The following NALCN variants were observed in gnomAD, a reference collection of about 807,000 sequenced individuals.
The protein encoded by NALCN is sodium leak channel, non-selective.
In NALCN, 111 loss-of-function variants were observed where a neutral mutation model predicts 225.3. The observed-to-expected ratio is 0.49, with a 90% CI of 0.42 to 0.58. NALCN has a LOEUF of 0.58. NALCN is among the 20% of genes least tolerant of loss of function. The pLI is 0.00. For synonymous variants in NALCN, 764 were observed against 769.0 expected (o/e 0.99, Z 0.11); for missense variants, 1,378 against 2,202.4 (o/e 0.63, Z 7.49).
In NALCN at chr13:101,236,098, C is replaced by T. The variant is rs185013517; in HGVS notation, c.1434+1657G>A. Among the ~76,000 whole-genome samples, 17 of 152,030 alleles carry T rather than the reference C, an allele frequency of 1.1e-4. No homozygotes were observed. In the East Asian group the frequency reaches 2.3e-3, roughly 21 times the overall value. The stretch of plus-strand genomic sequence containing the variant: ...GTTTCCATGATAAATTATATAAATG[C>T]GAAGGACATGAACAGACACTTCTCA... On this transcript the variant is annotated intron_variant, in intron 12 of 43. Coordinates refer to ENST00000251127, the MANE Select transcript of NALCN (RefSeq NM_052867.4).
At chr13:101,347,836 G>A (rs1594719675) in intron 6 of NALCN, among the ~76,000 whole-genome samples, 2 of 152,150 alleles carry the variant, frequency 1.3e-5, no homozygotes, top group Admixed American at 6.6e-5. Context: ...AGCACCTAAT[G>A]TGTTGCAAGT....
chr13:101,128,968 A>G (rs1163568587), intron 17 of NALCN, among the ~76,000 whole-genome samples: 2 of 152,162 alleles, frequency 1.3e-5, no homozygotes, highest in African/African-American at 2.4e-5. Context: ...AGGTTTCATC[A>G]TACAGACTCT....
chr13:101,206,727 A>AATATAT (rs3062610), intron 13 of NALCN, among the ~76,000 whole-genome samples: 176 of 147,128 alleles, frequency 1.2e-3, no homozygotes, highest in African/African-American at 4.2e-3. Flanking sequence ...AGGTTTTTTA[A>AATATAT]ATATATATAT....
rs144762920 is a variant in NALCN, at chr13:101,308,347, T to C, written c.800-15981A>G. Reference sequence around the variant, plus strand: ...TGATGTATGCAACTCCCAAGCCATCTACAAAAACTCCTTCCCTGGACTCAT... The same window carrying C: ...TGATGTATGCAACTCCCAAGCCATCCACAAAAACTCCTTCCCTGGACTCAT... On this transcript the variant is annotated intron_variant, in intron 7 of 43. Transcript: ENST00000251127. Among the ~76,000 whole-genome samples, 723 of 152,310 alleles carry C rather than the reference T, an allele frequency of 4.7e-3. 6 individuals carry two copies. Among genetic ancestry groups the C allele is most frequent in the African/African-American group, 0.017 (690 of 41,568 alleles).
At chr13:101,241,268 C>T (rs1434778816) in intron 11 of NALCN, among the ~76,000 whole-genome samples, 1 of 152,098 alleles carries the variant, frequency 6.6e-6, no homozygotes, top group Non-Finnish European at 1.5e-5. Flanking sequence ...ACATATTTTT[C>T]CAGAAAGAAT....
chr13:101,083,375 G>A (rs538182031), intron 31 of NALCN, among the ~76,000 whole-genome samples, 177 bp from the exon 32 acceptor site: 1 of 152,274 alleles, frequency 6.6e-6, no homozygotes, highest in East Asian at 1.9e-4. Flanking sequence ...AAACGACAGT[G>A]CATGATGCCG....
chr13:101,084,693 A>G (rs1594170525), intron 30 of NALCN, among the ~76,000 whole-genome samples: 2 of 152,196 alleles, frequency 1.3e-5, no homozygotes, highest in Non-Finnish European at 2.9e-5. Flanking sequence ...GCTCACAAAC[A>G]CCATCCACTG....
chr13:101,322,109 CT>C (rs1282608992), intron 7 of NALCN, among the ~76,000 whole-genome samples: 2 of 152,074 alleles, frequency 1.3e-5, no homozygotes, highest in African/African-American at 4.8e-5. Flanking sequence ...TGAATTTCTC[CT>C]TTAAAAACCT....
intron 13 of NALCN, among the ~76,000 whole-genome samples, chr13:101,217,939 G>A (rs1414506590): frequency 6.6e-6 from 1 of 152,140 alleles, no homozygotes; most frequent in Non-Finnish European, 1.5e-5. Context: ...GGGAATATAG[G>A]AGCAGCTTTG....
At chr13:101,286,753 A>G (rs1232867667) in intron 9 of NALCN, among the ~76,000 whole-genome samples, 5 of 151,562 alleles carry the variant, frequency 3.3e-5, no homozygotes, top group African/African-American at 1.2e-4. Context: ...ATAATTAAAT[A>G]TTTTACTATT....
At chr13:101,260,097 G>A (rs2042376579) in intron 10 of NALCN, among the ~76,000 whole-genome samples, 2 of 151,286 alleles carry the variant, frequency 1.3e-5, no homozygotes, top group South Asian at 4.2e-4. Flanking sequence ...TTGATTTTGT[G>A]ATCCCACAAA....
chr13:101,288,804 C>T lies in NALCN; in HGVS notation c.1047+3186G>A, dbSNP rs572912568. Among the ~76,000 whole-genome samples, 34 of 152,310 alleles carry T rather than the reference C, an allele frequency of 2.2e-4. No individual in the cohort carries two copies. In the East Asian group the frequency reaches 6.6e-3, roughly 29 times the overall value. On this transcript the variant is annotated intron_variant, in intron 9 of 43. Transcript: ENST00000251127. ...CAGAAGCCTGCTTTCTGTCTCCTAC[C>T]ATTTTAACAGAAAAGTAGCCTTGTG...
rs114396626 is a variant in NALCN, at chr13:101,346,544, A to G, written c.645-1124T>C. Among the ~76,000 whole-genome samples the G allele has an allele frequency of 4.3e-3, 662 of 152,280 alleles. 4 individuals are homozygous for G. Among genetic ancestry groups the G allele is most frequent in the African/African-American group, 0.015 (635 of 41,554 alleles). On this transcript the variant is annotated intron_variant, in intron 6 of 43. Transcript: ENST00000251127. ...GAAATAACCAGACAAATAAGGAGAA[A>G]TGGAAGGAACTCAAGGTATCCCATA...
At chr13:101,176,231 G>T (rs2038952001) in intron 15 of NALCN, 69 bp downstream of exon 15, 2 of 1,147,110 alleles carry the variant, frequency 1.7e-6, no homozygotes, top group South Asian at 1.9e-5. Context: ...TTTTAATATT[G>T]CCTATAAGCA....
chr13:101,324,708 A>G (rs1247523050), intron 7 of NALCN, among the ~76,000 whole-genome samples: 1 of 152,198 alleles, frequency 6.6e-6, no homozygotes, highest in Non-Finnish European at 1.5e-5. Context: ...ATATACAATC[A>G]TGTCATCTGC....
intron 34 of NALCN, among the ~76,000 whole-genome samples, chr13:101,079,797 G>T (rs190328438): frequency 4.9e-4 from 74 of 152,302 alleles, no homozygotes; most frequent in African/African-American, 1.6e-3. Context: ...AGCTCACCTA[G>T]GCTTCATACA....
chr13:101,233,104 T>A (rs1302896591), intron 12 of NALCN, among the ~76,000 whole-genome samples: 1 of 152,120 alleles, frequency 6.6e-6, no homozygotes. Context: ...GATCAGCAGG[T>A]TTTTCACTCT....
intron 15 of NALCN, among the ~76,000 whole-genome samples, chr13:101,156,909 C>G (rs1236157249): frequency 2.0e-5 from 3 of 152,268 alleles, no homozygotes; most frequent in South Asian, 4.1e-4. Flanking sequence ...TTCCAATTAT[C>G]ATTTTTGTGT....
At chr13:101,257,361 A>G (rs1038192407) in intron 11 of NALCN, among the ~76,000 whole-genome samples, 15 of 152,242 alleles carry the variant, frequency 9.9e-5, no homozygotes, top group Admixed American at 7.8e-4. Context: ...GAGAATTCAG[A>G]AGCGACTACT....
Sources: gnomAD v4.1 joint callset for allele counts (sites outside exome capture counted in the v4.1 genomes callset) on GRCh38, gnomAD v4.1.1 for gene constraint, MANE v1.5 for transcripts, NCBI Gene and HGNC (gene_info 2026-07-23, HGNC 2026-07-21) for gene names.